The following UBE3A variants were observed in gnomAD, a reference collection of about 807,000 sequenced individuals.
UBE3A encodes ubiquitin-protein ligase E3A.
UBE3A carries 6 observed loss-of-function variants against 83.4 expected under a neutral mutation model. The observed-to-expected ratio is 0.07, with a 90% confidence interval of 0.04 to 0.14. UBE3A has a LOEUF of 0.14. Ranked by LOEUF, UBE3A falls within the 10% of genes least tolerant of loss-of-function variation. The pLI is 1.00. For synonymous variants in UBE3A, 337 were observed against 355.4 expected (o/e 0.95, Z 0.58); for missense variants, 456 against 1,036.1 (o/e 0.44, Z 7.69).
At chr15:25,367,242 A>T (rs1184155234) in intron 6 of UBE3A, among the ~76,000 whole-genome samples, 1 of 77,970 alleles carries the variant, frequency 1.3e-5, no homozygotes, top group African/African-American at 8.7e-5. Flanking sequence ...TAAATATGTA[A>T]ATATTTGCAT....
chr15:25,432,073 T>C (rs563764830), intron 1 of UBE3A, among the ~76,000 whole-genome samples: 2 of 152,324 alleles, frequency 1.3e-5, no homozygotes, highest in African/African-American at 2.4e-5. Flanking sequence ...AAAGTATTTG[T>C]TGGAAGTACG....
At chr15:25,339,385 C>G in intron 12 of UBE3A, 128 bp from the exon 13 acceptor site, 1 of 1,202,900 alleles carries the variant, frequency 8.3e-7, no homozygotes, top group Non-Finnish European at 1.1e-6. Flanking sequence ...TACATTAATG[C>G]AAATCATAAA....
intron 2 of UBE3A, among the ~76,000 whole-genome samples, chr15:25,410,179 C>G (rs1042190247): frequency 3.3e-5 from 5 of 152,130 alleles, no homozygotes; most frequent in Non-Finnish European, 5.9e-5. Flanking sequence ...CCCTTAAGTA[C>G]TGCATAAAAA....
intron 6 of UBE3A, 125 bp from the exon 7 acceptor site, chr15:25,360,652 A>G: frequency 9.6e-7 from 1 of 1,041,322 alleles, no homozygotes; most frequent in South Asian, 1.5e-5. Flanking sequence ...TGTAAATGGA[A>G]ACAGAAAGCA....
At chr15:25,437,647 T>C (rs1356424773) in intron 1 of UBE3A, among the ~76,000 whole-genome samples, 2 of 152,234 alleles carry the variant, frequency 1.3e-5, no homozygotes, top group Non-Finnish European at 2.9e-5. Context: ...CTGTTACTAA[T>C]TTAGCATATC....
At chr15:25,345,022 A>T (rs2075443865) in intron 11 of UBE3A, among the ~76,000 whole-genome samples, 1 of 152,136 alleles carries the variant, frequency 6.6e-6, no homozygotes, top group African/African-American at 2.4e-5. Context: ...GAATGAGAAA[A>T]CCAAAGACCC....
chr15:25,341,644 T>G (rs1325858526), intron 11 of UBE3A, among the ~76,000 whole-genome samples: 1 of 151,130 alleles, frequency 6.6e-6, no homozygotes, highest in East Asian at 2.0e-4. Context: ...ATGCCTGTAA[T>G]CTCAGCTACT....
intron 6 of UBE3A, among the ~76,000 whole-genome samples, chr15:25,368,749 G>C (rs973549093): frequency 6.6e-6 from 1 of 151,972 alleles, no homozygotes; most frequent in Admixed American, 6.6e-5. Context: ...TAAAATTCTA[G>C]AATAGAATTT....
At position 25,375,400 on chromosome 15, in the gene UBE3A, A is replaced by G; in HGVS notation, c.361+65T>C. 1.9e-6 allele frequency: 3 copies of G among 1,547,300 alleles called. No individual in the cohort carries two copies. The Admixed American group carries it at 5.7e-5, about 30-fold the overall frequency. On this transcript the variant is annotated intron_variant, in intron 5 of 12. Coordinates refer to ENST00000648336, the MANE Select transcript of UBE3A (RefSeq NM_130839.5). The stretch of plus-strand genomic sequence containing the variant: ...ACAGAAGAAAAAACAAATAAAAACT[A>G]ATACATTTAAATCTCCCACATGGTT...
chr15:25,382,578 T>TA (rs1222036356), intron 4 of UBE3A, among the ~76,000 whole-genome samples: 5 of 146,454 alleles, frequency 3.4e-5, no homozygotes, highest in African/African-American at 5.0e-5. Flanking sequence ...TACCAAAAAA[T>TA]AAAAAAAATA....
intron 5 of UBE3A, chr15:25,373,996 T>C (rs2080762555): frequency 6.6e-6 from 1 of 152,190 alleles, no homozygotes; most frequent in African/African-American, 2.4e-5. Context: ...AAAAACAGTT[T>C]GGTGCAGACT....
In UBE3A at chr15:25,339,143, C is replaced by A; in HGVS notation, c.2613G>T (p.Met871Ile). Residue 871 changes from methionine (M) to isoleucine (I), a missense_variant, in exon 13 of 13, where the codon ATG becomes ATT. This residue lies in a region of UBE3A where 8 missense variants were observed against 23.2 expected (regional missense o/e 0.34). Coordinates refer to ENST00000648336, the MANE Select transcript of UBE3A (RefSeq NM_130839.5). The part of the protein sequence containing the change: ...KAITYAKGFG[M>I]L ...TATTTTGTTTTGTTTTGTTTTACAG[C>A]ATGCCAAATCCTTTGGCATACGTGA... is the stretch of plus-strand genomic sequence containing the variant. 6.3e-7 allele frequency: 1 copy of A among 1,579,380 alleles called. No individual in the cohort carries two copies. Among genetic ancestry groups the A allele is most frequent in the Non-Finnish European group, 8.6e-7 (1 of 1,163,642 alleles).
chr15:25,435,975 A>G (rs569644727), intron 1 of UBE3A, among the ~76,000 whole-genome samples: 1 of 152,226 alleles, frequency 6.6e-6, no homozygotes, highest in African/African-American at 2.4e-5. Context: ...GGCGTTTTAC[A>G]TACTTTAAGC....
At chr15:25,398,937 AAT>A (rs2086419749) in intron 4 of UBE3A, among the ~76,000 whole-genome samples, 1 of 150,966 alleles carries the variant, frequency 6.6e-6, no homozygotes, top group African/African-American at 2.4e-5. Context: ...TGCCATGCGC[AAT>A]ATATCTCTTG....
chr15:25,418,099 G>GT (rs1276358200), intron 1 of UBE3A: 3 of 152,174 alleles, frequency 2.0e-5, no homozygotes, highest in Non-Finnish European at 4.4e-5. Flanking sequence ...AATGAATACT[G>GT]TAAGCAACTG....
At chr15:25,386,052 G>A (rs1392159106) in intron 4 of UBE3A, among the ~76,000 whole-genome samples, 2 of 152,088 alleles carry the variant, frequency 1.3e-5, no homozygotes, top group African/African-American at 4.8e-5. Context: ...ACCTGCTGGG[G>A]TTGTAGCAAA....
At chr15:25,417,281 A>G (rs1887369404) in intron 1 of UBE3A, among the ~76,000 whole-genome samples, 1 of 152,154 alleles carries the variant, frequency 6.6e-6, no homozygotes, top group South Asian at 2.1e-4. Context: ...CCTTCTCTAG[A>G]CAAACTCCAA....
chr15:25,354,783 AC>A (rs1209773753), intron 9 of UBE3A, 100 bp from the exon 10 acceptor site: 15 of 1,127,580 alleles, frequency 1.3e-5, no homozygotes, highest in East Asian at 1.0e-4. Context: ...CAAGAAAAAA[AC>A]ATTCAAGAAT....
chr15:25,356,769 A>G lies in UBE3A; in HGVS notation c.1881T>C (p.Asp627=), dbSNP rs587784522. The G allele has an allele frequency of 7.4e-6, 12 of 1,613,790 alleles. No individual in the cohort carries two copies. Among genetic ancestry groups the G allele is most frequent in the Admixed American group, 5.0e-5 (3 of 60,004 alleles). Residue 627 remains aspartate, a synonymous_variant, in exon 8 of 13, where the codon GAT becomes GAC. Coordinates refer to ENST00000648336, the MANE Select transcript of UBE3A (RefSeq NM_130839.5). ...TGTAGACAACCATGGGAAAATGTACATCCAGTATACAGTTATTGTAAATAG... is the reference window on the plus strand; with the variant it reads ...TGTAGACAACCATGGGAAAATGTACGTCCAGTATACAGTTATTGTAAATAG... ...GLAIYNNCIL[D]VHFPMVVYRK... is the part of the protein sequence containing the mutation.
Sources: gnomAD v4.1 joint callset for allele counts (sites outside exome capture counted in the v4.1 genomes callset) on GRCh38, gnomAD v4.1.1 for gene constraint, gnomAD v4.1.1 regional missense constraint, MANE v1.5 for transcripts, NCBI Gene and HGNC (gene_info 2026-07-23, HGNC 2026-07-21) for gene names.